The following RP1 variants were observed in gnomAD, a reference collection of about 807,000 sequenced individuals.
RP1 encodes oxygen-regulated protein 1.
In RP1, 16 loss-of-function variants were observed where a neutral mutation model predicts 14.8. That is an observed-to-expected ratio of 1.08 (90% CI 0.73 to 1.65). The LOEUF (loss-of-function observed/expected upper bound fraction) is 1.65, where lower values mean the gene tolerates loss of function less well. RP1 is among the 40% of genes most tolerant of loss of function. The probability of loss-of-function intolerance (pLI) is 0.00; values close to 1 mark genes in which losing one functional copy is unlikely to be tolerated. For synonymous variants in RP1, 876 were observed against 883.6 expected (o/e 0.99, Z 0.15); for missense variants, 2,631 against 2,535.0 (o/e 1.04, Z -0.81).
intron 3 of RP1, among the ~76,000 whole-genome samples, chr8:54,640,941 C>T (rs945008023): frequency 1.7e-4 from 25 of 151,162 alleles, no homozygotes; most frequent in African/African-American, 6.1e-4. Flanking sequence ...TTTATATTTG[C>T]CCACCAATAT....
chr8:54,588,905 A>C (rs1261407126), intron 1 of RP1, among the ~76,000 whole-genome samples: 1 of 152,256 alleles, frequency 6.6e-6, no homozygotes, highest in Non-Finnish European at 1.5e-5. Flanking sequence ...GAGCTGTTCC[A>C]GGAGAGTGGG....
chr8:54,769,242 G>A (rs1394737356), intron 22 of RP1, among the ~76,000 whole-genome samples: 1 of 152,148 alleles, frequency 6.6e-6, no homozygotes, highest in East Asian at 1.9e-4. Context: ...TTTAGAGGAA[G>A]CCAGGTGAAA....
intron 25 of RP1, among the ~76,000 whole-genome samples, chr8:54,842,591 T>C (rs145448609): frequency 1.3e-5 from 2 of 152,160 alleles, no homozygotes; most frequent in Non-Finnish European, 2.9e-5. Flanking sequence ...GCTGTTATCA[T>C]GGGAACACTG....
intron 24 of RP1, among the ~76,000 whole-genome samples, chr8:54,796,817 A>C (rs879659911): frequency 6.6e-6 from 1 of 152,198 alleles, no homozygotes; most frequent in Admixed American, 6.5e-5. Flanking sequence ...ACCCTAGGAA[A>C]TGAATATAGA....
At chr8:54,861,279 A>AT (rs1195423296) in intron 27 of RP1, among the ~76,000 whole-genome samples, 3 of 152,126 alleles carry the variant, frequency 2.0e-5, no homozygotes, top group Non-Finnish European at 4.4e-5. Flanking sequence ...TGAGTTTTAA[A>AT]TTTTTTCATG....
downstream of RP1, among the ~76,000 whole-genome samples, chr8:54,772,351 A>G (rs1809930019): frequency 6.6e-6 from 1 of 151,966 alleles, no homozygotes; most frequent in African/African-American, 2.4e-5. Flanking sequence ...ATAAATTTAT[A>G]TTAATTATAT....
chr8:54,795,840 CTT>C (rs900846722), intron 24 of RP1, among the ~76,000 whole-genome samples: 21 of 152,096 alleles, frequency 1.4e-4, no homozygotes, highest in African/African-American at 5.1e-4. Context: ...TGCCAACAGG[CTT>C]ATGTTTTTCC....
chr8:54,587,633 A>G (rs1046766160), intron 1 of RP1, among the ~76,000 whole-genome samples: 1 of 152,188 alleles, frequency 6.6e-6, no homozygotes, highest in Admixed American at 6.5e-5. Flanking sequence ...GCAAGGGGTG[A>G]CCATTTCTGA....
At chr8:54,825,641 G>A (rs920744035) in intron 24 of RP1, among the ~76,000 whole-genome samples, 2 of 152,184 alleles carry the variant, frequency 1.3e-5, no homozygotes, top group African/African-American at 4.8e-5. Context: ...GTTGGTATTA[G>A]TTCTATATCT....
chr8:54,704,603 G>A (rs186275847), intron 14 of RP1, among the ~76,000 whole-genome samples: 2 of 152,318 alleles, frequency 1.3e-5, no homozygotes, highest in African/African-American at 4.8e-5. Context: ...CTTGCTTGAT[G>A]TAGGGTTCTC....
chr8:54,722,995 A>T (rs1808570738), intron 16 of RP1, among the ~76,000 whole-genome samples: 1 of 152,180 alleles, frequency 6.6e-6, no homozygotes, highest in Non-Finnish European at 1.5e-5. Flanking sequence ...GAGGCTCAGA[A>T]GTATAGCAGG....
chr8:54,620,929 T>C, intron 1 of RP1, 26 bp from the exon 2 acceptor site: 1 of 1,609,372 alleles, frequency 6.2e-7, no homozygotes, highest in South Asian at 1.1e-5. Context: ...GCTGTGATTC[T>C]GGAGATAATT....
chr8:54,607,543 C>G (rs1175026413), intron 1 of RP1, among the ~76,000 whole-genome samples: 1 of 152,198 alleles, frequency 6.6e-6, no homozygotes, highest in Non-Finnish European at 1.5e-5. Context: ...CAGTTGCATG[C>G]TGGGAGAACC....
intron 3 of RP1, among the ~76,000 whole-genome samples, chr8:54,624,290 A>G (rs1378534878): frequency 1.3e-5 from 2 of 151,898 alleles, no homozygotes; most frequent in African/African-American, 2.4e-5. Context: ...TAAAAATACA[A>G]AACAATTAGC....
exon 9 of RP1, chr8:54,678,505 A>G: frequency 6.5e-7 from 1 of 1,534,318 alleles, no homozygotes; most frequent in East Asian, 2.5e-5. Context: ...GGATCCCACA[A>G]CAAATTACGA....
chr8:54,641,240 C>T (rs759777198), intron 3 of RP1, among the ~76,000 whole-genome samples: 47 of 152,214 alleles, frequency 3.1e-4, no homozygotes, highest in African/African-American at 9.1e-4. Context: ...CCACTGCGTC[C>T]GGCCATAATT....
At chr8:54,576,368 T>C (rs902907593) in intron 1 of RP1, among the ~76,000 whole-genome samples, 15 of 152,030 alleles carry the variant, frequency 9.9e-5, no homozygotes, top group Admixed American at 3.3e-4. Flanking sequence ...CTCTTAACAC[T>C]GATTAATGCT....
intron 3 of RP1, among the ~76,000 whole-genome samples, chr8:54,644,632 G>A (rs1371412315): frequency 6.6e-6 from 1 of 152,146 alleles, no homozygotes; most frequent in African/African-American, 2.4e-5. Context: ...TATTTCCAGA[G>A]CCTATCTAGA....
chr8:54,853,488 C>A (rs900709614), intron 26 of RP1, among the ~76,000 whole-genome samples: 2 of 152,140 alleles, frequency 1.3e-5, no homozygotes, highest in African/African-American at 2.4e-5. Flanking sequence ...ATGGGAGCAG[C>A]CTTGGGGGAC....
Sources: gnomAD v4.1 joint callset for allele counts (sites outside exome capture counted in the v4.1 genomes callset) on GRCh38, gnomAD v4.1.1 for gene constraint, MANE v1.5 for transcripts, NCBI Gene and HGNC (gene_info 2026-07-23, HGNC 2026-07-21) for gene names.